ZNF33A: variants seen among roughly 807,000 people sequenced by gnomAD.
ZNF33A encodes the protein brain my041 protein.
ZNF33A carries 9 observed loss-of-function variants against 15.9 expected under a neutral mutation model. The ratio of observed to expected loss-of-function variants is 0.57; its 90% CI spans 0.34 to 0.99. The LOEUF is 0.99. Ranked by LOEUF, ZNF33A falls within the 50% of genes least tolerant of loss-of-function variation. The probability of loss-of-function intolerance (pLI) is 0.02; values close to 1 mark genes in which losing one functional copy is unlikely to be tolerated. For missense variants in ZNF33A, 843 were observed against 941.6 expected, an observed-to-expected ratio of 0.90 and a Z score of 1.37; for synonymous variants, 294 against 324.2, an observed-to-expected ratio of 0.91 and a Z score of 1.00.
chr10:38,043,382 G>A (rs2065798511), intron 4 of ZNF33A, among the ~76,000 whole-genome samples: 2 of 150,922 alleles, frequency 1.3e-5, no homozygotes, highest in African/African-American at 2.4e-5. Context: ...AGCATTAGGA[G>A]ATATACCTAA....
rs1473721424 is a variant in ZNF33A, at chr10:38,055,609, A to G, written c.1485A>G (p.Lys495=). ...TQHQRIHIGD[K]SYECNACGKT... ...ATCAGAGAATTCACATAGGAGATAA[A>G]TCTTATGAATGTAATGCATGTGGGA... The change falls in exon 5 of 5, where the codon AAA becomes AAG. Residue 495 remains lysine, a synonymous_variant. Coordinates refer to ENST00000432900, the MANE Select transcript of ZNF33A (RefSeq NM_006954.2). 2 of 1,614,006 alleles carry G rather than the reference A, an allele frequency of 1.2e-6. No homozygotes were observed. Among genetic ancestry groups the G allele is most frequent in the Admixed American group, 1.7e-5 (1 of 60,000 alleles).
chr10:38,054,673 T>G lies in ZNF33A; in HGVS notation c.549T>G (p.Asp183Glu). 4.3e-6 allele frequency: 7 copies of G among 1,613,814 alleles called. No individual in the cohort carries two copies. Among genetic ancestry groups the G allele is most frequent in the Non-Finnish European group, 5.9e-6 (7 of 1,179,932 alleles). The stretch of plus-strand genomic sequence containing the variant: ...AATTGTTACTCAATATTAAGCATGA[T>G]GAAACTCATACTCAAGAGAAAAATG... ...CGKLLLNIKH[D>E]ETHTQEKNEV... Residue 183 changes from aspartate to glutamate, a missense_variant, in exon 5 of 5, where the codon GAT becomes GAG. Coordinates refer to ENST00000432900, the MANE Select transcript of ZNF33A (RefSeq NM_006954.2).
chr10:38,057,701 C>G lies in ZNF33A; in HGVS notation c.*1141C>G. On this transcript the variant is annotated 3_prime_UTR_variant, in exon 5 of 5. Coordinates refer to ENST00000432900, the MANE Select transcript of ZNF33A (RefSeq NM_006954.2). ...GCCTCCATGTTACTCCCTTTCTCTT[C>G]CTACCTGTGGCTCATGCCATGCCAT... 1.0e-6 allele frequency: 1 copy of G among 985,468 alleles called. No individual in the cohort carries two copies. The highest frequency in any genetic ancestry group is 1.2e-6 in the Non-Finnish European group (1 of 829,946). The allele number at this position is 985,468 out of a possible 1,614,324, so 61.0% of individuals were successfully genotyped here.
At position 38,050,426 on chromosome 10, in the gene ZNF33A, A is replaced by T. The variant is rs542164609; in HGVS notation, c.251-3949A>T. ...CAGTCACATGTTGCTGCACTCTTGT[A>T]AGAAGGGATCCTGTACTTGGCTTAA... On this transcript the variant is annotated intron_variant, in intron 4 of 4. Transcript: ENST00000432900. 1.6e-4 allele frequency among the ~76,000 whole-genome samples: 25 copies of T among 152,348 alleles called. 2 individuals carry two copies. In the South Asian group the frequency reaches 5.2e-3, roughly 32 times the overall value.
At chr10:38,019,875 C>T (rs2064658463) in intron 4 of ZNF33A, among the ~76,000 whole-genome samples, 1 of 152,126 alleles carries the variant, frequency 6.6e-6, no homozygotes, top group Admixed American at 6.6e-5. Context: ...GCAAAATGCT[C>T]TGTATGTAGT....
intron 4 of ZNF33A, among the ~76,000 whole-genome samples, chr10:38,019,866 C>A (rs1274217843): frequency 1.3e-5 from 2 of 152,052 alleles, no homozygotes; most frequent in Admixed American, 6.6e-5. Flanking sequence ...ATGGTTGGAG[C>A]AAAATGCTCT....
chr10:38,054,892 G>A lies in ZNF33A; in HGVS notation c.768G>A (p.Leu256=), dbSNP rs760666453. The change falls in exon 5 of 5, where the codon TTG becomes TTA. Residue 256 remains leucine, a synonymous_variant. Transcript: ENST00000432900. The stretch of plus-strand genomic sequence containing the variant: ...ATTATAATGAATTTGGGAGAACTTT[G>A]TGTGATAGTTCATCCCTCTTGTTCC... ...NCDYNEFGRT[L]CDSSSLLFHQ... 1 of 1,613,758 alleles carries A rather than the reference G, an allele frequency of 6.2e-7. No individual in the cohort carries two copies. Among genetic ancestry groups the A allele is most frequent in the Non-Finnish European group, 8.5e-7 (1 of 1,179,982 alleles).
chr10:38,062,069 G>A (rs754028703), downstream of ZNF33A, among the ~76,000 whole-genome samples: 3 of 152,168 alleles, frequency 2.0e-5, no homozygotes, highest in South Asian at 2.1e-4. Context: ...CCTCATGAAC[G>A]ATTAGTGATC....
At chr10:38,021,801 A>T (rs2064759052) in intron 4 of ZNF33A, among the ~76,000 whole-genome samples, 1 of 152,244 alleles carries the variant, frequency 6.6e-6, no homozygotes, top group Non-Finnish European at 1.5e-5. Flanking sequence ...TTTTCTGGCC[A>T]TAATGAAACC....
intron 2 of ZNF33A, among the ~76,000 whole-genome samples, chr10:38,016,227 A>G (rs1355165736): frequency 6.6e-6 from 1 of 152,236 alleles, no homozygotes. Context: ...CTGACAATTT[A>G]TTTCTGTGAT....
At chr10:38,023,478 A>G (rs1203883136) in intron 4 of ZNF33A, among the ~76,000 whole-genome samples, 2 of 152,214 alleles carry the variant, frequency 1.3e-5, no homozygotes, top group African/African-American at 2.4e-5. Flanking sequence ...AAATCGATCA[A>G]TGTAATTAAC....
chr10:38,022,408 A>T (rs981627624), intron 4 of ZNF33A, among the ~76,000 whole-genome samples: 1 of 152,086 alleles, frequency 6.6e-6, no homozygotes, highest in African/African-American at 2.4e-5. Context: ...TGTTATTCCA[A>T]CACTTTGGGA....
intron 4 of ZNF33A, among the ~76,000 whole-genome samples, chr10:38,022,864 C>T (rs1183888743): frequency 6.6e-6 from 1 of 152,082 alleles, no homozygotes; most frequent in African/African-American, 2.4e-5. Flanking sequence ...TTGTAGTCCT[C>T]ACTAGAGAAT....
At chr10:38,012,447 T>TTTTTTA in intron 2 of ZNF33A, 97 bp downstream of exon 2, 1 of 1,237,736 alleles carries the variant, frequency 8.1e-7, no homozygotes, top group Admixed American at 2.3e-5. Context: ...TTTTTTTTTT[T>TTTTTTA]GTGAGACGGA....
Position 38,054,848 on chromosome 10 carries a change from G to A in ZNF33A, c.724G>A (p.Ala242Thr), listed in dbSNP as rs372094361. The stretch of plus-strand genomic sequence containing the variant: ...ATTCAATACACAGAAGAGAGAGAAC[G>A]CAGAAGAGAATAACTGTGATTATAA... ...AVFNTQKREN[A>T]EENNCDYNEF... Residue 242 changes from alanine to threonine, a missense_variant, in exon 5 of 5, where the codon GCA becomes ACA. Coordinates refer to ENST00000432900, the MANE Select transcript of ZNF33A (RefSeq NM_006954.2). 3.7e-5 allele frequency: 59 copies of A among 1,613,208 alleles called. No individual in the cohort carries two copies. The highest frequency in any genetic ancestry group is 2.3e-4 in the South Asian group (21 of 91,030).
Position 38,056,194 on chromosome 10 carries a change from G to A in ZNF33A, c.2070G>A (p.Glu690=), listed in dbSNP as rs769893306. The A allele has an allele frequency of 4.0e-5, 64 of 1,614,018 alleles. No homozygotes were observed. Among genetic ancestry groups the A allele is most frequent in the Admixed American group, 5.0e-5 (3 of 60,000 alleles). The change falls in exon 5 of 5, where the codon GAG becomes GAA. Residue 690 remains glutamate (E), a synonymous_variant. Transcript: ENST00000432900. ...TCCATGAGAGAAAGCACACGGGGGA[G>A]AAACCCTATGAATGCAATGAATGTG... The part of the protein sequence containing the change: ...LIFHERKHTG[E]KPYECNECGK...
intron 2 of ZNF33A, among the ~76,000 whole-genome samples, chr10:38,016,368 GC>G (rs1169719552): frequency 4.6e-5 from 7 of 152,236 alleles, no homozygotes; most frequent in Non-Finnish European, 1.0e-4. Flanking sequence ...ACAGCACCAG[GC>G]CATCTCCTGT....
At chr10:38,034,583 C>T (rs2065357511) in intron 4 of ZNF33A, among the ~76,000 whole-genome samples, 1 of 152,212 alleles carries the variant, frequency 6.6e-6, no homozygotes, top group Admixed American at 6.5e-5. Flanking sequence ...TCTTGGCAAA[C>T]AGAGTTTGTC....
downstream of ZNF33A, among the ~76,000 whole-genome samples, chr10:38,062,679 G>T (rs2066668580): frequency 2.0e-5 from 3 of 152,158 alleles, no homozygotes; most frequent in Non-Finnish European, 4.4e-5. Context: ...CTGCACTCCA[G>T]CCTGGGTGAC....
Sources: gnomAD v4.1 joint callset for allele counts (sites outside exome capture counted in the v4.1 genomes callset) on GRCh38, gnomAD v4.1.1 for gene constraint, MANE v1.5 for transcripts, NCBI Gene and HGNC (gene_info 2026-07-23, HGNC 2026-07-21) for gene names.